Variants in MACROD2 observed in about 807,000 individuals in gnomAD.
MACROD2 encodes ADP-ribose glycohydrolase MACROD2.
MACROD2 carries 36 observed loss-of-function variants against 70.4 expected under a neutral mutation model. That is an observed-to-expected ratio of 0.51 (90% confidence interval 0.39 to 0.68). The LOEUF (loss-of-function observed/expected upper bound fraction) is 0.68. Ranked by LOEUF, MACROD2 falls within the 30% of genes least tolerant of loss-of-function variation. The pLI is 0.00. For missense variants in MACROD2, 496 were observed against 538.4 expected (o/e 0.92, Z 0.78); for synonymous variants, 172 against 178.8 (o/e 0.96, Z 0.30).
chr20:14,048,915 T>A (rs2148646546), intron 2 of MACROD2, among the ~76,000 whole-genome samples: 1 of 152,124 alleles, frequency 6.6e-6, no homozygotes, highest in Non-Finnish European at 1.5e-5. Flanking sequence ...AAATTCTAGG[T>A]GACTTAATAC....
At chr20:15,100,113 T>A (rs2075860907) in intron 5 of MACROD2, among the ~76,000 whole-genome samples, 1 of 152,106 alleles carries the variant, frequency 6.6e-6, no homozygotes, top group Non-Finnish European at 1.5e-5. Context: ...TCTTTCTTTT[T>A]TTAAATAGAG....
At chr20:15,860,659 G>A (rs1225962386) in intron 8 of MACROD2, among the ~76,000 whole-genome samples, 1 of 152,082 alleles carries the variant, frequency 6.6e-6, no homozygotes, top group African/African-American at 2.4e-5. Flanking sequence ...ATAGTTAGCA[G>A]CTATTAGCCA....
At chr20:14,030,849 G>C (rs1467587077) in intron 2 of MACROD2, among the ~76,000 whole-genome samples, 1 of 148,768 alleles carries the variant, frequency 6.7e-6, no homozygotes, top group Non-Finnish European at 1.5e-5. Flanking sequence ...CTGTTTAGTA[G>C]TTCAAATGGT....
At chr20:15,913,001 C>A (rs1230358469) in intron 10 of MACROD2, among the ~76,000 whole-genome samples, 1 of 152,128 alleles carries the variant, frequency 6.6e-6, no homozygotes, top group Non-Finnish European at 1.5e-5. Flanking sequence ...CTACCACTGA[C>A]TGGTTCTAAG....
At chr20:14,173,465 G>A (rs1263995430) in intron 3 of MACROD2, among the ~76,000 whole-genome samples, 2 of 151,866 alleles carry the variant, frequency 1.3e-5, no homozygotes, top group African/African-American at 2.4e-5. Flanking sequence ...TCGAGAAGTT[G>A]TGATTATTTT....
At chr20:14,605,867 T>C (rs1982766903) in intron 4 of MACROD2, among the ~76,000 whole-genome samples, 1 of 152,124 alleles carries the variant, frequency 6.6e-6, no homozygotes, top group South Asian at 2.1e-4. Flanking sequence ...GAAAAGCCAA[T>C]AGAGATGTAA....
At chr20:15,202,698 A>T (rs1464338691) in intron 5 of MACROD2, among the ~76,000 whole-genome samples, 2 of 152,192 alleles carry the variant, frequency 1.3e-5, no homozygotes, top group Non-Finnish European at 2.9e-5. Flanking sequence ...TGGTAGAATT[A>T]TGCAAATTAC....
intron 2 of MACROD2, among the ~76,000 whole-genome samples, chr20:14,050,499 C>T (rs1296001955): frequency 5.3e-5 from 8 of 152,050 alleles, no homozygotes; most frequent in South Asian, 2.1e-4. Context: ...GCTTCAGAGA[C>T]GGACAGACGT....
At chr20:15,219,940 T>G (rs1480065711) in intron 5 of MACROD2, among the ~76,000 whole-genome samples, 1 of 145,282 alleles carries the variant, frequency 6.9e-6, no homozygotes, top group Non-Finnish European at 1.5e-5. Flanking sequence ...AGAATGCACT[T>G]ATTTAATCAT....
intron 2 of MACROD2, among the ~76,000 whole-genome samples, chr20:14,069,275 A>G (rs1457724635): frequency 6.6e-6 from 1 of 152,144 alleles, no homozygotes; most frequent in African/African-American, 2.4e-5. Flanking sequence ...TTTTTATTTT[A>G]AATTTTAGTA....
At chr20:15,995,649 C>CT (rs71192310) in intron 15 of MACROD2, among the ~76,000 whole-genome samples, 2,733 of 85,484 alleles carry the variant, frequency 0.032, 174 homozygotes, top group Admixed American at 0.053. Context: ...TATGCCCGGC[C>CT]TTTTTTTTTT....
At chr20:14,257,363 TG>T (rs1419767400) in intron 3 of MACROD2, among the ~76,000 whole-genome samples, 1 of 152,206 alleles carries the variant, frequency 6.6e-6, no homozygotes, top group Admixed American at 6.5e-5. Context: ...ACTTTAAATT[TG>T]TTTTACCTAT....
intron 3 of MACROD2, among the ~76,000 whole-genome samples, chr20:14,421,527 A>G (rs1212143811): frequency 6.6e-6 from 1 of 152,098 alleles, no homozygotes; most frequent in African/African-American, 2.4e-5. Flanking sequence ...TATTCTATTC[A>G]TAGTCTTTTT....
At chr20:15,659,020 C>A (rs2049776596) in intron 8 of MACROD2, among the ~76,000 whole-genome samples, 1 of 152,132 alleles carries the variant, frequency 6.6e-6, no homozygotes, top group Non-Finnish European at 1.5e-5. Context: ...AGGATTAAAT[C>A]CAAATTTGAT....
Position 15,253,168 on chromosome 20 carries a change from T to C in MACROD2, c.540+23107T>C, listed in dbSNP as rs564822812. On this transcript the variant is annotated intron_variant, in intron 6 of 17. Coordinates refer to ENST00000684519, the MANE Select transcript of MACROD2 (RefSeq NM_001351661.2). ...ATCAAAATAGGCAGGAAAGGGAAGG[T>C]TTTTGGGAGTCCAGTGGGATGTTGG... Among the ~76,000 whole-genome samples, 3 of 152,084 alleles carry C rather than the reference T, an allele frequency of 2.0e-5. No individual in the cohort carries two copies. The South Asian group carries it at 6.2e-4, about 32-fold the overall frequency.
intron 5 of MACROD2, among the ~76,000 whole-genome samples, chr20:15,211,630 A>G (rs532484892): frequency 2.0e-5 from 3 of 151,994 alleles, no homozygotes; most frequent in African/African-American, 7.2e-5. Context: ...GTCTCTTACC[A>G]TGTGGCATAC....
intron 8 of MACROD2, among the ~76,000 whole-genome samples, chr20:15,698,141 T>A (rs1289937067): frequency 6.6e-6 from 1 of 152,238 alleles, no homozygotes; most frequent in Non-Finnish European, 1.5e-5. Flanking sequence ...TTGTTTTTGC[T>A]TGTAACTTGT....
chr20:15,533,925 G>A (rs1262575378), intron 8 of MACROD2, among the ~76,000 whole-genome samples: 1 of 152,142 alleles, frequency 6.6e-6, no homozygotes, highest in African/African-American at 2.4e-5. Flanking sequence ...AAGTGGGGAG[G>A]AGCTGATGGA....
rs1396966944 is a variant in MACROD2, at chr20:15,971,313, G to T, written c.985+3683G>T. Among the ~76,000 whole-genome samples the T allele has an allele frequency of 3.3e-5, 5 of 152,116 alleles. No individual in the cohort carries two copies. In the East Asian group the frequency reaches 9.7e-4, roughly 29 times the overall value. ...CTCCCATAATCCCCACGTGTTGTGG[G>T]AGGGACCCTGTAGGAGGTAATTGAA... On this transcript the variant is annotated intron_variant, in intron 13 of 17. Coordinates refer to ENST00000684519, the MANE Select transcript of MACROD2 (RefSeq NM_001351661.2).
Sources: gnomAD v4.1 joint callset for allele counts (sites outside exome capture counted in the v4.1 genomes callset) on GRCh38, gnomAD v4.1.1 for gene constraint, MANE v1.5 for transcripts, NCBI Gene and HGNC (gene_info 2026-07-23, HGNC 2026-07-21) for gene names.